ZNF142: variants seen among roughly 807,000 people sequenced by gnomAD.
The protein encoded by ZNF142 is zinc finger protein 142 (clone pHZ-49).
ZNF142 carries 96 observed loss-of-function variants against 132.1 expected under a neutral mutation model. The ratio of observed to expected loss-of-function variants is 0.73; its 90% CI spans 0.62 to 0.86. ZNF142 has a LOEUF of 0.86. ZNF142 is among the 40% of genes least tolerant of loss of function. The probability of loss-of-function intolerance (pLI) is 0.00; values close to 1 mark genes in which losing one functional copy is unlikely to be tolerated. For missense variants in ZNF142, 2,163 were observed against 2,336.2 expected, an observed-to-expected ratio of 0.93 and a Z score of 1.53; for synonymous variants, 842 against 890.1, an observed-to-expected ratio of 0.95 and a Z score of 0.96.
Position 218,650,519 on chromosome 2 carries a change from T to C in ZNF142, c.888A>G (p.Lys296=), listed in dbSNP as rs774669859. Residue 296 remains lysine (K), a synonymous_variant, in exon 6 of 11, where the codon AAA becomes AAG. Coordinates refer to ENST00000411696, the MANE Select transcript of ZNF142 (RefSeq NM_001379659.1). ...AAGGTTCTCTCTCTCCTGGAGGCAG[T>C]TTGGGAGCTGGAGATACATAAAACT... ...LPSQELLPAP[K]LPPGEREPSQ... The C allele has an allele frequency of 3.2e-6, 5 of 1,581,234 alleles. No homozygotes were observed. The highest frequency in any genetic ancestry group is 3.4e-6 in the Non-Finnish European group (4 of 1,164,908).
Position 218,635,970 on chromosome 2 carries a change from CATG to C in ZNF142, c.*2366_*2368del, listed in dbSNP as rs1696716819. ...AGTGCTGGGGAGGTGGGGGTAGGAG[CATG>C]ATTAGTTTTCCTTCTAGTCTGTCTT... On this transcript the variant is annotated 3_prime_UTR_variant, in exon 11 of 11. Transcript: ENST00000411696. The C allele has an allele frequency of 6.2e-7, 1 of 1,613,108 alleles. No homozygotes were observed. Among genetic ancestry groups the C allele is most frequent in the Non-Finnish European group, 8.5e-7 (1 of 1,179,388 alleles).
Position 218,642,069 on chromosome 2 carries a change from G to A in ZNF142, c.5047C>T (p.His1683Tyr), listed in dbSNP as rs758012584. Residue 1683 changes from histidine (H) to tyrosine (Y), a missense_variant, in exon 9 of 11, where the codon CAC becomes TAC. Transcript: ENST00000411696. The surrounding 1 kb of genome is among the most constrained non-coding windows in gnomAD (Gnocchi z 4.6). ...IHTGEKPYHC[H>Y]LCPYACADPS... ...TCAGCACAGGCATAGGGGCAGAGGT[G>A]ACAGTGGTAAGGCTTTTCCCCAGTG... 2 of 1,614,236 alleles carry A rather than the reference G, an allele frequency of 1.2e-6. No individual in the cohort carries two copies.
At chr2:218,653,492 G>A (rs148329857) in intron 4 of ZNF142, among the ~76,000 whole-genome samples, 3,954 of 151,884 alleles carry the variant, frequency 0.026, 171 homozygotes, top group African/African-American at 0.091. Context: ...CAGGAGAATC[G>A]CTTGAACCTG....
Position 218,643,483 on chromosome 2 carries a change from TGA to T in ZNF142, c.3631_3632del (p.Ser1211ThrfsTer11). 1.2e-6 allele frequency: 2 copies of T among 1,613,602 alleles called. No homozygotes were observed. The highest frequency in any genetic ancestry group is 2.7e-5 in the African/African-American group (2 of 74,858). ...LDPVPPAGNS[S>X]PTEALKKHRF... ...GGTGCTTCTTCAGGGCCTCTGTGGG[TGA>T]GGAGTTTCCTGCAGGAGGGACTGGG... On this transcript the variant is annotated frameshift_variant, in exon 9 of 11. Coordinates refer to ENST00000411696, the MANE Select transcript of ZNF142 (RefSeq NM_001379659.1). LOFTEE classifies it high-confidence loss of function.
rs1575051508 is a variant in ZNF142 at position 218,638,672 on chromosome 2, G to A, written c.5331C>T (p.Arg1777=). 2 of 1,614,232 alleles carry A rather than the reference G, an allele frequency of 1.2e-6. No individual in the cohort carries two copies. The highest frequency in any genetic ancestry group is 1.7e-6 in the Non-Finnish European group (2 of 1,180,050). ...CEQCGKAFKT[R]FLLRTHLRKH... Reference sequence around the variant, plus strand: ...TGCGAAGGTGGGTGCGCAGCAGGAAGCGCGTCTTGAAGGCCTTGCCACACT... The same window carrying A: ...TGCGAAGGTGGGTGCGCAGCAGGAAACGCGTCTTGAAGGCCTTGCCACACT... Residue 1777 remains arginine (R), a synonymous_variant, in exon 11 of 11, where the codon CGC becomes CGT. Transcript: ENST00000411696.
chr2:218,644,068 C>T lies in ZNF142; in HGVS notation c.3048G>A (p.Glu1016=), dbSNP rs756549258. The stretch of plus-strand genomic sequence containing the variant: ...GCACCCGCCCCTCTAGCACCAATGC[C>T]TCTGCTTGTTCTTTGTCCTGTCTCC... ...ALRRQDKEQA[E]ALVLEGRVQM... Residue 1016 remains glutamate, a synonymous_variant, in exon 9 of 11, where the codon GAG becomes GAA. Transcript: ENST00000411696. The surrounding 1 kb of genome is among the most constrained non-coding windows in gnomAD (Gnocchi z 4.6). 1.3e-5 allele frequency: 21 copies of T among 1,614,020 alleles called. No individual in the cohort carries two copies. In the African/African-American group the frequency reaches 2.4e-4, roughly 18 times the overall value.
chr2:218,649,321 CAGTT>C lies in ZNF142; in HGVS notation c.1183_1186del (p.Asn395AlafsTer73). On this transcript the variant is annotated frameshift_variant, in exon 7 of 11. Coordinates refer to ENST00000411696, the MANE Select transcript of ZNF142 (RefSeq NM_001379659.1). LOFTEE classifies it high-confidence loss of function. The stretch of plus-strand genomic sequence containing the variant: ...GCTCTTACTGGTGAAGAACTTCTGG[CAGTT>C]AGGGCACTGGAGGCTGGGGTCTGGG... 2.5e-6 allele frequency: 4 copies of C among 1,614,212 alleles called. No homozygotes were observed. The highest frequency in any genetic ancestry group is 3.4e-6 in the Non-Finnish European group (4 of 1,180,042).
intron 8 of ZNF142, 114 bp downstream of exon 8, chr2:218,646,054 TAGG>T: frequency 1.4e-6 from 2 of 1,396,372 alleles, no homozygotes; most frequent in East Asian, 4.6e-5. Flanking sequence ...CACCCGGCCT[TAGG>T]AGGAGACTCT....
In ZNF142 at chr2:218,638,750, C is replaced by G. The variant is rs1696927693; in HGVS notation, c.5253G>C (p.Leu1751=). The G allele has an allele frequency of 1.2e-6, 2 of 1,611,614 alleles. No homozygotes were observed. Among genetic ancestry groups the G allele is most frequent in the Admixed American group, 1.7e-5 (1 of 60,000 alleles). ...GATGCCGGGTCTCCTGGTGCACACG[C>G]AGTGCATCAGCCCGGTTGGTGCAGT... ...CEYCTNRADA[L]RVHQETRHRE... Residue 1751 remains leucine, a synonymous_variant, in exon 11 of 11, where the codon CTG becomes CTC. Coordinates refer to ENST00000411696, the MANE Select transcript of ZNF142 (RefSeq NM_001379659.1).
rs1559279282 is a variant in ZNF142 at position 218,635,849 on chromosome 2, T to G, written c.*2490A>C. On this transcript the variant is annotated 3_prime_UTR_variant, in exon 11 of 11. Transcript: ENST00000411696. ...TGGACAAGACCAAAGAGGGGTCCATTGTGGATCCACTGGTGAAAGTGCAGA... is the reference window on the plus strand; with the variant it reads ...TGGACAAGACCAAAGAGGGGTCCATGGTGGATCCACTGGTGAAAGTGCAGA... 2 of 1,613,898 alleles carry G rather than the reference T, an allele frequency of 1.2e-6. No individual in the cohort carries two copies. The highest frequency in any genetic ancestry group is 2.2e-5 in the South Asian group (2 of 91,074).
Position 218,642,476 on chromosome 2 carries a change from G to A in ZNF142, c.4640C>T (p.Thr1547Ile), listed in dbSNP as rs781093138. The A allele has an allele frequency of 6.2e-7, 1 of 1,609,432 alleles. No homozygotes were observed. Among genetic ancestry groups the A allele is most frequent in the East Asian group, 2.2e-5 (1 of 44,816 alleles). The change falls in exon 9 of 11, where the codon ACC becomes ATC. Residue 1547 changes from threonine to isoleucine, a missense_variant. Physicochemically the swap from Thr to Ile is moderately conservative, Grantham distance 89. This residue lies in a region of ZNF142 where 809 missense variants were observed against 801.7 expected (regional missense o/e 1.01). Coordinates refer to ENST00000411696, the MANE Select transcript of ZNF142 (RefSeq NM_001379659.1). The surrounding 1 kb of genome is among the most constrained non-coding windows in gnomAD (Gnocchi z 4.6). Reference protein sequence around the residue: ...CPSPASLRGHTRKQHPRLECG... With the variant: ...CPSPASLRGHIRKQHPRLECG... ...CTCAAGCCGTGGGTGCTGTTTACGG[G>A]TGTGTCCTCGTAAGCTGGCAGGGCT...
In ZNF142 at chr2:218,644,698, C is replaced by A. The variant is rs1215400963; in HGVS notation, c.2418G>T (p.Gln806His). 10 of 1,614,226 alleles carry A rather than the reference C, an allele frequency of 6.2e-6. No homozygotes were observed. The highest frequency in any genetic ancestry group is 1.1e-5 in the South Asian group (1 of 91,084). ...CTGGCTCCTGGCTTGCATAGCGGAG[C>A]TGCCAGGCCTGGTCTCCAGGTACAT... The part of the protein sequence containing the change: ...HGYVPGDQAW[Q>H]LRYASQEPEG... The change falls in exon 9 of 11, where the codon CAG (glutamine) becomes CAT (histidine). Residue 806 changes from glutamine to histidine, a missense_variant. Around this residue, in one of 7 missense-constraint regions of ZNF142, gnomAD observed 749 missense variants for 830.3 expected, o/e 0.90. Coordinates refer to ENST00000411696, the MANE Select transcript of ZNF142 (RefSeq NM_001379659.1). This position sits in a 1 kb window ranked among gnomAD's most constrained non-coding sequence, Gnocchi z 4.6.
rs750225031 is a variant in ZNF142 at position 218,643,724 on chromosome 2, T to C, written c.3392A>G (p.Gln1131Arg). 1.9e-6 allele frequency: 3 copies of C among 1,605,600 alleles called. No individual in the cohort carries two copies. The East Asian group carries it at 6.7e-5, about 36-fold the overall frequency. The part of the protein sequence containing the change: ...TESGKPPPAS[Q>R]EAELLLPKDA... ...TTTTGGAAGCAGTAGCTCTGCTTCT[T>C]GTGATGCAGGTGGGGGCTTCCCACT... Residue 1131 changes from glutamine (Q) to arginine (R), a missense_variant, in exon 9 of 11, where the codon CAA becomes CGA. Gln to Arg is a conservative substitution (Grantham distance 43). This residue lies in a region of ZNF142 where 809 missense variants were observed against 801.7 expected (regional missense o/e 1.01). Coordinates refer to ENST00000411696, the MANE Select transcript of ZNF142 (RefSeq NM_001379659.1).
Position 218,642,881 on chromosome 2 carries a change from C to A in ZNF142, c.4235G>T (p.Arg1412Leu), listed in dbSNP as rs374587127. Residue 1412 changes from arginine (R) to leucine (L), a missense_variant, in exon 9 of 11, where the codon CGG becomes CTG. Arg to Leu is a moderately radical substitution (Grantham distance 102). Transcript: ENST00000411696. This position sits in a 1 kb window ranked among gnomAD's most constrained non-coding sequence, Gnocchi z 4.6. The part of the protein sequence containing the change: ...CPFCDFSTTR[R>L]YRLEAHQSRH... ...GGACTGGTGAGCCTCTAACCGGTACCGTCTGGTGGTCGAAAAGTCACAGAA... is the reference window on the plus strand; with the variant it reads ...GGACTGGTGAGCCTCTAACCGGTACAGTCTGGTGGTCGAAAAGTCACAGAA... 13 of 1,613,982 alleles carry A rather than the reference C, an allele frequency of 8.1e-6. No homozygotes were observed. In the Admixed American group the frequency reaches 2.0e-4, roughly 25 times the overall value.
chr2:218,649,613 G>T (rs1454439925), intron 6 of ZNF142, among the ~76,000 whole-genome samples, 154 bp from the exon 7 acceptor site: 5 of 152,184 alleles, frequency 3.3e-5, no homozygotes, highest in African/African-American at 1.2e-4. Flanking sequence ...CTCAAAAAAG[G>T]GTGAGAAACT....
At position 218,659,443 on chromosome 2, in the gene ZNF142, G is replaced by C. The variant is rs1939053499; in HGVS notation, c.-436C>G. ...TGGAACGGCCCCCGGGGCCCGCTTT[G>C]TGCGACCGCCTCCGGCTCAGCCGCC... On this transcript the variant is annotated 5_prime_UTR_variant, in exon 1 of 11. Transcript: ENST00000411696. The surrounding 1 kb of genome is among the most constrained non-coding windows in gnomAD (Gnocchi z 4.4). 6.6e-6 allele frequency: 1 copy of C among 152,254 alleles called. No individual in the cohort carries two copies. Among genetic ancestry groups the C allele is most frequent in the Non-Finnish European group, 1.5e-5 (1 of 68,094 alleles). The allele number at this position is 152,254 out of a possible 1,614,324, so 9.4% of individuals were successfully genotyped here.
Position 218,649,039 on chromosome 2 carries a change from T to G in ZNF142, c.1469A>C (p.Gln490Pro), listed in dbSNP as rs756673870. ...AAEPLPLRCF[Q>P]EGCSYAAPDR... ...GGGTGCTGCATAGCTGCAGCCCTCCTGAAAGCAGCGAAGGGGTAATGGCTC... is the reference window on the plus strand; with the variant it reads ...GGGTGCTGCATAGCTGCAGCCCTCCGGAAAGCAGCGAAGGGGTAATGGCTC... The change falls in exon 7 of 11, where the codon CAG (glutamine) becomes CCG (proline). Residue 490 changes from glutamine to proline, a missense_variant. Physicochemically the swap from Gln to Pro is moderately conservative, Grantham distance 76 (BLOSUM62 -1). Transcript: ENST00000411696. 17 of 1,613,246 alleles carry G rather than the reference T, an allele frequency of 1.1e-5. No homozygotes were observed. Among genetic ancestry groups the G allele is most frequent in the Non-Finnish European group, 1.4e-5 (17 of 1,180,050 alleles).
intron 4 of ZNF142, among the ~76,000 whole-genome samples, chr2:218,652,669 C>T (rs1329310425): frequency 1.3e-5 from 2 of 152,122 alleles, no homozygotes; most frequent in East Asian, 3.8e-4. Flanking sequence ...TGGTTAAGAG[C>T]TTTACTTTCA....
Position 218,634,516 on chromosome 2 carries a change from C to G in ZNF142, c.*3823G>C. ...TGGACATCTGTGATGGGCATTTCCG[C>G]CAGAATGGCGGCTGTGGCTATGTGC... On this transcript the variant is annotated 3_prime_UTR_variant, in exon 11 of 11. Transcript: ENST00000411696. The surrounding 1 kb of genome is among the most constrained non-coding windows in gnomAD (Gnocchi z 4.0). 1 of 1,614,028 alleles carries G rather than the reference C, an allele frequency of 6.2e-7. No homozygotes were observed. The highest frequency in any genetic ancestry group is 1.1e-5 in the South Asian group (1 of 91,084).
Sources: allele counts gnomAD v4.1 joint callset (sites outside exome capture counted in the v4.1 genomes callset), GRCh38; gene constraint gnomAD v4.1.1; regional missense constraint gnomAD v4.1.1; non-coding constraint Gnocchi (gnomAD v3.1); transcripts MANE v1.5; gene names NCBI Gene and HGNC (gene_info 2026-07-23, HGNC 2026-07-21).